The following CFAP92 variants were observed in gnomAD, a reference collection of about 807,000 sequenced individuals.
CFAP92 encodes uncharacterized protein CFAP92.
Under a neutral mutation model 106.3 loss-of-function variants are expected in CFAP92, and 86 were observed. The ratio of observed to expected loss-of-function variants is 0.81; its 90% CI spans 0.68 to 0.97. CFAP92 has a LOEUF of 0.97. Among genes scored for constraint, CFAP92 ranks in the 50% least tolerant of loss-of-function variants. The pLI is 0.00. For missense variants in CFAP92, 1,204 were observed against 1,283.8 expected (o/e 0.94, Z 0.95); for synonymous variants, 477 against 506.4 (o/e 0.94, Z 0.78).
chr3:128,915,165 T>C lies in CFAP92; in HGVS notation c.3234A>G (p.Pro1078=). 6.5e-7 allele frequency: 1 copy of C among 1,536,092 alleles called. No homozygotes were observed. The highest frequency in any genetic ancestry group is 1.4e-5 in the African/African-American group (1 of 73,142). Reference sequence around the variant, plus strand: ...GCGAAGGGAGCAGCTCGAGGAAAGGTGGTGGTTTCTTGTACAGATCAAAGT... The same window carrying C: ...GCGAAGGGAGCAGCTCGAGGAAAGGCGGTGGTTTCTTGTACAGATCAAAGT... ...HVDFDLYKKP[P]PFLELLPSPA... The change falls in exon 15 of 16, where the codon CCA becomes CCG. Residue 1078 remains proline, a synonymous_variant. Transcript: ENST00000645291.
intron 9 of CFAP92, among the ~76,000 whole-genome samples, chr3:128,958,993 CT>C (rs1941660821): frequency 6.6e-6 from 1 of 152,136 alleles, no homozygotes; most frequent in South Asian, 2.1e-4. Context: ...GGTGGATCAC[CT>C]GAGGTCAGGA....
In CFAP92 at chr3:128,975,802, ATGTT is replaced by A. The variant is rs764454811; in HGVS notation, c.994_997del (p.Asn332TyrfsTer2). The A allele has an allele frequency of 4.4e-6, 7 of 1,602,536 alleles. No individual in the cohort carries two copies. The highest frequency in any genetic ancestry group is 6.0e-6 in the Non-Finnish European group (7 of 1,174,404). On this transcript the variant is annotated frameshift_variant, in exon 7 of 16. Coordinates refer to ENST00000645291, the MANE Select transcript of CFAP92 (RefSeq NM_001394090.1). LOFTEE classifies it high-confidence loss of function. ...ACTTTGAGACCTTTGTCTGTCTAAT[ATGTT>A]TGTTAAGCTGCTAAGTGATTCACTC... is the stretch of plus-strand genomic sequence containing the variant.
Position 128,916,196 on chromosome 3 carries a change from G to A in CFAP92, c.2827C>T (p.Pro943Ser), listed in dbSNP as rs1271289162. 2 of 1,231,942 alleles carry A rather than the reference G, an allele frequency of 1.6e-6. No homozygotes were observed. Among genetic ancestry groups the A allele is most frequent in the Non-Finnish European group, 2.0e-6 (2 of 987,968 alleles). The allele number at this position is 1,231,942 out of a possible 1,614,324, so 76.3% of individuals were successfully genotyped here. ...TAGTTGTAGACGGCCTTGTTGGCAG[G>A]GGCTGAAATTTTAATCACCTTCGCC... is the stretch of plus-strand genomic sequence containing the variant. ...SVAKVIKISA[P>S]ANKAVYNYST... The change falls in exon 13 of 16, where the codon CCT becomes TCT. Residue 943 changes from proline to serine, a missense_variant. By Grantham distance (74) the Pro-to-Ser change is moderately conservative. Coordinates refer to ENST00000645291, the MANE Select transcript of CFAP92 (RefSeq NM_001394090.1).
chr3:129,004,453 G>A (rs1944977499), upstream of CFAP92, among the ~76,000 whole-genome samples: 1 of 116,798 alleles, frequency 8.6e-6, no homozygotes, highest in Admixed American at 9.2e-5. Context: ...CTACCCACCC[G>A]TCCATCCATC....
At chr3:128,960,129 C>T (rs1015850873) in intron 9 of CFAP92, among the ~76,000 whole-genome samples, 7 of 152,148 alleles carry the variant, frequency 4.6e-5, no homozygotes, top group African/African-American at 1.2e-4. Flanking sequence ...TCCTATAAAA[C>T]GGCCCCACTC....
chr3:128,923,857 T>C (rs570449458), intron 12 of CFAP92, among the ~76,000 whole-genome samples: 1 of 152,326 alleles, frequency 6.6e-6, no homozygotes, highest in East Asian at 1.9e-4. Flanking sequence ...AGAGAAGGTT[T>C]TTGAAGCCTC....
chr3:128,935,204 G>C lies in CFAP92; in HGVS notation c.2374C>G (p.Pro792Ala). The change falls in exon 11 of 16, where the codon CCC (proline) becomes GCC (alanine). Residue 792 changes from proline (P) to alanine (A), a missense_variant. Physicochemically the swap from Pro to Ala is conservative, Grantham distance 27. Coordinates refer to ENST00000645291, the MANE Select transcript of CFAP92 (RefSeq NM_001394090.1). ...AILYHVHLFQ[P>A]TELLLQQAVF... ...GCCTGCTGCAGCAGCAGCTCCGTGG[G>C]CTGGAAGAGGTGCACGTGGTACAGG... 2.6e-6 allele frequency: 4 copies of C among 1,536,110 alleles called. No homozygotes were observed. The highest frequency in any genetic ancestry group is 3.5e-6 in the Non-Finnish European group (4 of 1,146,870).
chr3:129,000,787 G>A (rs1944690235), intron 1 of CFAP92, among the ~76,000 whole-genome samples: 1 of 152,196 alleles, frequency 6.6e-6, no homozygotes, highest in South Asian at 2.1e-4. Context: ...AAGGTGGCAG[G>A]GCCGGGAGAC....
At chr3:128,937,839 G>C (rs1939204949) in intron 10 of CFAP92, among the ~76,000 whole-genome samples, 2 of 152,036 alleles carry the variant, frequency 1.3e-5, no homozygotes, top group African/African-American at 4.8e-5. Context: ...GAGGCAGGTG[G>C]ATCACCTGAG....
Position 128,978,149 on chromosome 3 carries a change from G to A in CFAP92, c.704C>T (p.Ser235Phe). The change falls in exon 5 of 16, where the codon TCT becomes TTT. Residue 235 changes from serine to phenylalanine, a missense_variant. By Grantham distance (155) the Ser-to-Phe change is radical (BLOSUM62 -2). Coordinates refer to ENST00000645291, the MANE Select transcript of CFAP92 (RefSeq NM_001394090.1). ...GTTGGTATTCTCAATGCCCTGTTCA[G>A]ATAATTTTCTCTGATTTAAAACCAA... ...RHLVLNQRKL[S>F]EQGIENTNIV... 6.2e-7 allele frequency: 1 copy of A among 1,613,746 alleles called. No homozygotes were observed. Among genetic ancestry groups the A allele is most frequent in the South Asian group, 1.1e-5 (1 of 91,032 alleles).
rs144238239 is a variant in CFAP92, at chr3:128,946,237, A to G, written c.1354-262T>C. Among the ~76,000 whole-genome samples the G allele has an allele frequency of 2.9e-3, 442 of 152,028 alleles. 6 individuals are homozygous for G. Among genetic ancestry groups the G allele is most frequent in the African/African-American group, 0.01 (417 of 41,430 alleles). On this transcript the variant is annotated intron_variant, in intron 9 of 15. Coordinates refer to ENST00000645291, the MANE Select transcript of CFAP92 (RefSeq NM_001394090.1). ...ATTCGTTACTTATTTTCCTCCCAAA[A>G]TGTGAGTGCCATGAAGATAGGCCAT...
chr3:128,929,198 CATT>C (rs1209004230), intron 12 of CFAP92, among the ~76,000 whole-genome samples: 1 of 152,094 alleles, frequency 6.6e-6, no homozygotes, highest in Non-Finnish European at 1.5e-5. Flanking sequence ...CATCGTCAGT[CATT>C]ATAAAATGCA....
At chr3:128,968,333 A>G (rs1018117557) in intron 8 of CFAP92, 3 of 152,202 alleles carry the variant, frequency 2.0e-5, no homozygotes, top group Admixed American at 6.5e-5. Context: ...TAGCCAACCA[A>G]TATTTACTAA....
intron 12 of CFAP92, among the ~76,000 whole-genome samples, chr3:128,920,630 C>T (rs1576386346): frequency 1.3e-5 from 2 of 152,098 alleles, no homozygotes; most frequent in South Asian, 4.1e-4. Flanking sequence ...TCTGACGTAA[C>T]GTAAAAGAGT....
intron 1 of CFAP92, chr3:129,002,525 AC>A (rs1944840985): frequency 8.4e-6 from 9 of 1,077,376 alleles, no homozygotes; most frequent in Non-Finnish European, 1.1e-5. Context: ...CCCTATTCTT[AC>A]CACCTATTCC....
At chr3:128,912,464 C>G in intron 15 of CFAP92, 1 of 1,557,248 alleles carries the variant, frequency 6.4e-7, no homozygotes, top group Non-Finnish European at 8.9e-7. Context: ...TGTCTTATCA[C>G]GGTGCAGAAA....
chr3:129,026,309 C>G, the CFAP92 span, among the ~76,000 whole-genome samples: 2 of 152,178 alleles, frequency 1.3e-5, no homozygotes, highest in Non-Finnish European at 2.9e-5. Context: ...GGGGTAAAAG[C>G]TGTCCCTCCA....
At chr3:128,931,593 A>G (rs1024888945) in intron 12 of CFAP92, among the ~76,000 whole-genome samples, 4 of 151,434 alleles carry the variant, frequency 2.6e-5, no homozygotes, top group Non-Finnish European at 5.9e-5. Context: ...GAGAAGATAG[A>G]AAAAAGGAGA....
In CFAP92 at chr3:128,993,121, C is replaced by A. The variant is rs1423218812; in HGVS notation, c.184G>T (p.Ala62Ser). Reference sequence around the variant, plus strand: ...GGCACGTCGGAGCTGAAAGTGCTGGCAGGCTCAGATGAGGACTCGATGCTG... The same window carrying A: ...GGCACGTCGGAGCTGAAAGTGCTGGAAGGCTCAGATGAGGACTCGATGCTG... Reference protein sequence around the residue: ...CSSIESSSEPASTFSSDVPHV... With the variant: ...CSSIESSSEPSSTFSSDVPHV... The change falls in exon 2 of 16, where the codon GCC becomes TCC. Residue 62 changes from alanine (A) to serine (S), a missense_variant. Transcript: ENST00000645291. 1 of 1,614,094 alleles carries A rather than the reference C, an allele frequency of 6.2e-7. No homozygotes were observed. Among genetic ancestry groups the A allele is most frequent in the Non-Finnish European group, 8.5e-7 (1 of 1,179,912 alleles).
Sources: gnomAD v4.1 joint callset for allele counts (sites outside exome capture counted in the v4.1 genomes callset) on GRCh38, gnomAD v4.1.1 for gene constraint, MANE v1.5 for transcripts, NCBI Gene and HGNC (gene_info 2026-07-23, HGNC 2026-07-21) for gene names.